PPP4R4: variants seen among roughly 807,000 people sequenced by gnomAD.
The protein encoded by PPP4R4 is protein phosphatase 4 regulatory subunit 4, also known as serine/threonine-protein phosphatase 4 regulatory subunit 4.
Under a neutral mutation model 121.8 loss-of-function variants are expected in PPP4R4, and 70 were observed. That is an observed-to-expected ratio of 0.57 (90% confidence interval 0.47 to 0.70). The LOEUF (loss-of-function observed/expected upper bound fraction) is 0.70, where lower values mean the gene tolerates loss of function less well. Among genes scored for constraint, PPP4R4 ranks in the 30% least tolerant of loss-of-function variants. PPP4R4 has a pLI of 0.00. For synonymous variants in PPP4R4, 348 were observed against 355.7 expected, an observed-to-expected ratio of 0.98 and a Z score of 0.24; for missense variants, 875 against 1,033.6, an observed-to-expected ratio of 0.85 and a Z score of 2.10.
Position 94,216,934 on chromosome 14 carries a change from T to A in PPP4R4, c.294+8368T>A, listed in dbSNP as rs76673291. Among the ~76,000 whole-genome samples the A allele has an allele frequency of 5.2e-3, 796 of 152,230 alleles. 2 individuals are homozygous for A. The highest frequency in any genetic ancestry group is 0.014 in the Middle Eastern group (4 of 294). ...AGATGTTAGAACTAGGACCCTGCAC[T>A]GATAAAAAGCAGAGGTCTGCCACCA... On this transcript the variant is annotated intron_variant, in intron 3 of 24. Transcript: ENST00000304338.
Position 94,239,372 on chromosome 14 carries a change from C to T in PPP4R4, c.854-1301C>T, listed in dbSNP as rs188123830. The stretch of plus-strand genomic sequence containing the variant: ...CCTCCCCCCACCCCACGACAGGCCC[C>T]GGTGTTCGATGTTCCCCACCCTGTG... On this transcript the variant is annotated intron_variant, in intron 8 of 24. Transcript: ENST00000304338. Among the ~76,000 whole-genome samples, 186 of 132,908 alleles carry T rather than the reference C, an allele frequency of 1.4e-3. 1 individual carries two copies. Among genetic ancestry groups the T allele is most frequent in the African/African-American group, 5.0e-3 (175 of 35,094 alleles). The allele number at this position is 132,908 out of a possible 152,430, so 87.2% of individuals were successfully genotyped here.
At chr14:94,261,706 TAGATTCCCTTTATC>T (rs1893794078) in intron 19 of PPP4R4, among the ~76,000 whole-genome samples, 1 of 152,030 alleles carries the variant, frequency 6.6e-6, no homozygotes, top group Non-Finnish European at 1.5e-5. Flanking sequence ...AGGTTTTATG[TAGATTCCCTTTATC>T]AGATTGAGGA....
intron 16 of PPP4R4, among the ~76,000 whole-genome samples, chr14:94,255,329 T>C (rs979367702): frequency 1.3e-5 from 2 of 151,704 alleles, no homozygotes. Flanking sequence ...CTGGGCGCGG[T>C]GGCTCCTGCC....
intron 23 of PPP4R4, among the ~76,000 whole-genome samples, chr14:94,272,940 A>G (rs1486777573): frequency 3.3e-5 from 5 of 152,198 alleles, no homozygotes; most frequent in African/African-American, 1.2e-4. Context: ...AAAACAATGA[A>G]GCCCCATGAC....
intron 19 of PPP4R4, among the ~76,000 whole-genome samples, chr14:94,261,117 T>A (rs908645764): frequency 1.6e-4 from 25 of 152,174 alleles, no homozygotes; most frequent in African/African-American, 5.8e-4. Flanking sequence ...ATTTCTTGAC[T>A]TCCTATTATT....
Position 94,222,252 on chromosome 14 carries a change from T to C in PPP4R4, c.295-8335T>C, listed in dbSNP as rs566688303. On this transcript the variant is annotated intron_variant, in intron 3 of 24. Transcript: ENST00000304338. ...TTTCTCTTATTTATTTTATTTGAAT[T>C]GATTAAGTAGTTTTATTATTTCACT... Among the ~76,000 whole-genome samples the C allele has an allele frequency of 8.9e-4, 136 of 152,138 alleles. 2 individuals carry two copies. Among genetic ancestry groups the C allele is most frequent in the African/African-American group, 3.1e-3 (130 of 41,578 alleles).
At chr14:94,242,249 C>A in intron 10 of PPP4R4, 40 bp from the exon 11 acceptor site, 1 of 1,595,018 alleles carries the variant, frequency 6.3e-7, no homozygotes, top group South Asian at 1.1e-5. Flanking sequence ...GCATGTTTTT[C>A]TTTCCTTCCC....
chr14:94,259,980 T>C (rs1893688441), intron 19 of PPP4R4, among the ~76,000 whole-genome samples: 1 of 152,220 alleles, frequency 6.6e-6, no homozygotes, highest in Non-Finnish European at 1.5e-5. Flanking sequence ...TTTGGCTTAC[T>C]TCTAATTTGG....
Position 94,241,954 on chromosome 14 carries a change from T to C in PPP4R4, c.1143T>C (p.Phe381=). 2 of 1,583,872 alleles carry C rather than the reference T, an allele frequency of 1.3e-6. No individual in the cohort carries two copies. The highest frequency in any genetic ancestry group is 2.2e-5 in the East Asian group (1 of 44,526). The part of the protein sequence containing the change: ...ISVRKNCAYN[F]PAMIVFVDPK... ...TACGGAAGAACTGTGCTTATAACTT[T>C]CCGGTAATAAATATGTATTTATATT... The change falls in exon 10 of 25, where the codon TTT becomes TTC. Residue 381 remains phenylalanine (F), a synonymous_variant. Coordinates refer to ENST00000304338, the MANE Select transcript of PPP4R4 (RefSeq NM_058237.2).
At chr14:94,243,698 C>T (rs910304921) in intron 11 of PPP4R4, among the ~76,000 whole-genome samples, 2 of 151,890 alleles carry the variant, frequency 1.3e-5, no homozygotes, top group Non-Finnish European at 2.9e-5. Flanking sequence ...GGCTAGTTTC[C>T]ATATTCTACC....
At chr14:94,179,492 C>T (rs541460259) in intron 2 of PPP4R4, among the ~76,000 whole-genome samples, 11 of 152,230 alleles carry the variant, frequency 7.2e-5, no homozygotes, top group African/African-American at 2.6e-4. Flanking sequence ...TGGGTTGTTT[C>T]CACTTAATTC....
At chr14:94,177,088 C>T (rs1888718671) in intron 2 of PPP4R4, among the ~76,000 whole-genome samples, 1 of 151,848 alleles carries the variant, frequency 6.6e-6, no homozygotes, top group Non-Finnish European at 1.5e-5. Context: ...AAAAAAAATC[C>T]CTCTCCAGGT....
chr14:94,246,758 C>T (rs529887945), intron 14 of PPP4R4, among the ~76,000 whole-genome samples: 27 of 152,230 alleles, frequency 1.8e-4, no homozygotes, highest in Middle Eastern at 3.4e-3. Context: ...GAGAGAGGAA[C>T]GACTAGGTGG....
At chr14:94,206,246 C>T (rs1890452101) in intron 2 of PPP4R4, among the ~76,000 whole-genome samples, 1 of 151,920 alleles carries the variant, frequency 6.6e-6, no homozygotes, top group Non-Finnish European at 1.5e-5. Flanking sequence ...TTTCTCTTCT[C>T]TGAGATTTAC....
At chr14:94,198,510 C>T (rs1952659338) in intron 2 of PPP4R4, among the ~76,000 whole-genome samples, 1 of 152,136 alleles carries the variant, frequency 6.6e-6, no homozygotes, top group Admixed American at 6.5e-5. Context: ...CTTTGAAAAA[C>T]AAACATTTTT....
At chr14:94,201,029 CTAT>C (rs1327691485) in intron 2 of PPP4R4, among the ~76,000 whole-genome samples, 3 of 152,056 alleles carry the variant, frequency 2.0e-5, no homozygotes, top group African/African-American at 7.2e-5. Flanking sequence ...AGTTGTGTCA[CTAT>C]TATTCAGTTG....
intron 2 of PPP4R4, 63 bp from the exon 3 acceptor site, chr14:94,208,401 T>A: frequency 7.9e-7 from 1 of 1,265,342 alleles, no homozygotes; most frequent in Non-Finnish European, 1.1e-6. Flanking sequence ...CCATACTTTT[T>A]ATAACTGTGC....
At chr14:94,207,190 G>A (rs559046968) in intron 2 of PPP4R4, among the ~76,000 whole-genome samples, 15 of 152,032 alleles carry the variant, frequency 9.9e-5, no homozygotes, top group African/African-American at 3.6e-4. Flanking sequence ...CTTTTAGGGG[G>A]CCACCATTCA....
chr14:94,189,551 C>G (rs1374717693), intron 2 of PPP4R4, among the ~76,000 whole-genome samples: 2 of 152,162 alleles, frequency 1.3e-5, no homozygotes. Flanking sequence ...AGATTATACA[C>G]TCTGGATTTC....
Sources: allele counts gnomAD v4.1 joint callset (sites outside exome capture counted in the v4.1 genomes callset), GRCh38; gene constraint gnomAD v4.1.1; transcripts MANE v1.5; gene names NCBI Gene and HGNC (gene_info 2026-07-23, HGNC 2026-07-21).